The following IQCM variants were observed in gnomAD, a reference collection of about 807,000 sequenced individuals.
IQCM encodes the protein IQ motif containing M, also known as IQ domain-containing protein M.
A neutral mutation model predicts 57.6 loss-of-function variants in IQCM; 45 were observed. The observed-to-expected ratio is 0.78, with a 90% CI of 0.62 to 1.00. The LOEUF is 1.00. Among genes scored for constraint, IQCM ranks in the 50% least tolerant of loss-of-function variants. The pLI is 0.00. For synonymous variants in IQCM, 148 were observed against 158.9 expected (o/e 0.93, Z 0.51); for missense variants, 468 against 511.6 (o/e 0.91, Z 0.82).
At position 149,553,126 on chromosome 4, in the gene IQCM, G is replaced by T. The variant is rs1749190618; in HGVS notation, c.1093+17C>A. ...CTCCAAACTTAAATTCAAACCAGAAGTGTCTGCATCACTTACATTTTTTTC... is the reference window on the plus strand; with the variant it reads ...CTCCAAACTTAAATTCAAACCAGAATTGTCTGCATCACTTACATTTTTTTC... On this transcript the variant is annotated intron_variant, in intron 11 of 13. Transcript: ENST00000636793. The T allele has an allele frequency of 1.6e-6, 2 of 1,231,428 alleles. No individual in the cohort carries two copies. The highest frequency in any genetic ancestry group is 2.0e-6 in the Non-Finnish European group (2 of 987,350). 76.3% of individuals were successfully genotyped at this position (1,231,428 alleles called of 1,614,324 possible).
rs569683241 is a variant in IQCM at position 149,631,373 on chromosome 4, A to G, written c.566-10129T>C. On this transcript the variant is annotated intron_variant, in intron 7 of 13. Transcript: ENST00000636793. ...TAAGTACTGTGAGACCCTCTAATGA[A>G]TCAGCAAACTTGGGGTGGTCTTTGG... Among the ~76,000 whole-genome samples, 28 of 152,300 alleles carry G rather than the reference A, an allele frequency of 1.8e-4. No individual in the cohort carries two copies. In the East Asian group the frequency reaches 5.0e-3, roughly 27 times the overall value.
At chr4:149,648,001 G>A (rs1198232783) in intron 7 of IQCM, among the ~76,000 whole-genome samples, 1 of 151,994 alleles carries the variant, frequency 6.6e-6, no homozygotes, top group East Asian at 1.9e-4. Flanking sequence ...CTTCTCTACT[G>A]CATCCAATAT....
chr4:149,689,396 A>G (rs998527466), intron 5 of IQCM, among the ~76,000 whole-genome samples: 4 of 151,706 alleles, frequency 2.6e-5, no homozygotes, highest in Admixed American at 2.0e-4. Flanking sequence ...ACATCACACT[A>G]TGGGGCCTGT....
rs1053957288 is a variant in IQCM at position 149,711,802 on chromosome 4, A to G, written c.385+21442T>C. Reference sequence around the variant, plus strand: ...TTGGACACCAGAAACTTTGGCAGAAACTACCATCAACTCAGTCACATTGGT... The same window carrying G: ...TTGGACACCAGAAACTTTGGCAGAAGCTACCATCAACTCAGTCACATTGGT... On this transcript the variant is annotated intron_variant, in intron 5 of 13. Coordinates refer to ENST00000636793, the MANE Select transcript of IQCM (RefSeq NM_001363507.2). Among the ~76,000 whole-genome samples the G allele has an allele frequency of 5.9e-5, 9 of 152,300 alleles. 1 individual carries two copies. The highest frequency in any genetic ancestry group is 6.8e-3 in the Middle Eastern group (2 of 294).
intron 12 of IQCM, among the ~76,000 whole-genome samples, chr4:149,520,219 AT>A (rs538952958): frequency 0.21 from 26,435 of 126,624 alleles, 2,103 homozygotes; most frequent in South Asian, 0.32. Flanking sequence ...GGTGGGCACC[AT>A]TTTTTTTTTT....
At position 149,600,445 on chromosome 4, in the gene IQCM, C is replaced by T. The variant is rs138033677; in HGVS notation, c.682-12448G>A. Among the ~76,000 whole-genome samples the T allele has an allele frequency of 3.9e-3, 592 of 152,038 alleles. 7 individuals carry two copies. Among genetic ancestry groups the T allele is most frequent in the African/African-American group, 0.013 (549 of 41,484 alleles). Reference sequence around the variant, plus strand: ...CAGAAAGTTAAATTGGGGATACAGGCGGGAAGTTTTTAATCTATGAAAATA... The same window carrying T: ...CAGAAAGTTAAATTGGGGATACAGGTGGGAAGTTTTTAATCTATGAAAATA... On this transcript the variant is annotated intron_variant, in intron 8 of 13. Transcript: ENST00000636793.
intron 12 of IQCM, among the ~76,000 whole-genome samples, chr4:149,447,909 G>A (rs1736689202): frequency 6.6e-6 from 1 of 151,420 alleles, no homozygotes; most frequent in South Asian, 2.1e-4. Context: ...ACATACAGAG[G>A]AACAAAGATA....
intron 12 of IQCM, among the ~76,000 whole-genome samples, chr4:149,434,544 T>G (rs1735166761): frequency 6.6e-6 from 1 of 152,060 alleles, no homozygotes; most frequent in Non-Finnish European, 1.5e-5. Flanking sequence ...TCCTTTCCTC[T>G]TAGTCTCCTT....
chr4:149,575,845 G>A (rs1198751894), intron 9 of IQCM, among the ~76,000 whole-genome samples: 2 of 101,540 alleles, frequency 2.0e-5, no homozygotes, highest in Non-Finnish European at 4.1e-5. Flanking sequence ...GGTGCAGGAG[G>A]CAGAAGACAT....
At chr4:149,407,294 T>G (rs1733052659) in intron 13 of IQCM, among the ~76,000 whole-genome samples, 1 of 152,190 alleles carries the variant, frequency 6.6e-6, no homozygotes, top group African/African-American at 2.4e-5. Context: ...ACTGCATTCA[T>G]AAATTGTAAC....
At chr4:149,580,680 A>G (rs1354325778) in intron 9 of IQCM, among the ~76,000 whole-genome samples, 1 of 151,716 alleles carries the variant, frequency 6.6e-6, no homozygotes, top group African/African-American at 2.4e-5. Context: ...AATAACTGAG[A>G]TAAAGAACAC....
At chr4:149,598,321 A>C (rs186188423) in intron 8 of IQCM, among the ~76,000 whole-genome samples, 1 of 152,308 alleles carries the variant, frequency 6.6e-6, no homozygotes, top group Non-Finnish European at 1.5e-5. Context: ...AAGTCAATCT[A>C]CCATCGTTGT....
intron 2 of IQCM, among the ~76,000 whole-genome samples, chr4:149,773,129 A>G (rs1770745954): frequency 6.6e-6 from 1 of 152,286 alleles, no homozygotes; most frequent in East Asian, 1.9e-4. Flanking sequence ...AGGCGGGTGG[A>G]TCACGAGGTC....
intron 2 of IQCM, among the ~76,000 whole-genome samples, chr4:149,745,001 T>C (rs1561225937): frequency 6.6e-6 from 1 of 151,974 alleles, no homozygotes; most frequent in East Asian, 1.9e-4. Context: ...GAAGGTGACA[T>C]AAAAGAGAGT....
At chr4:149,768,575 C>G (rs910837148) in intron 2 of IQCM, among the ~76,000 whole-genome samples, 2 of 152,048 alleles carry the variant, frequency 1.3e-5, no homozygotes, top group African/African-American at 4.8e-5. Flanking sequence ...AGCCTACACA[C>G]AACCCTTAGG....
At chr4:149,483,945 G>A (rs760308281) in intron 12 of IQCM, among the ~76,000 whole-genome samples, 3 of 151,828 alleles carry the variant, frequency 2.0e-5, no homozygotes, top group African/African-American at 2.4e-5. Flanking sequence ...ATCTATCTGG[G>A]TGCTCCAGTT....
chr4:149,708,441 T>A lies in IQCM; in HGVS notation c.386-21973A>T, dbSNP rs569758440. On this transcript the variant is annotated intron_variant, in intron 5 of 13. Transcript: ENST00000636793. ...GAATGTAAATATAATTGCAGGTGCC[T>A]AGAAAAAAAAAAGACAAGTATACCA... Among the ~76,000 whole-genome samples, 66 of 151,022 alleles carry A rather than the reference T, an allele frequency of 4.4e-4. No individual in the cohort carries two copies. In the Middle Eastern group the frequency reaches 0.014, roughly 31 times the overall value.
chr4:149,706,538 T>C (rs774348643), intron 5 of IQCM, among the ~76,000 whole-genome samples: 4 of 151,996 alleles, frequency 2.6e-5, no homozygotes, highest in Admixed American at 6.6e-5. Context: ...CATTTGAGTT[T>C]GGAACTCATG....
At chr4:149,564,678 ACTGGTTGC>A (rs1224067712) in intron 9 of IQCM, among the ~76,000 whole-genome samples, 2 of 152,156 alleles carry the variant, frequency 1.3e-5, no homozygotes, top group African/African-American at 4.8e-5. Flanking sequence ...TTTCTTCCGT[ACTGGTTGC>A]CTCCTCAAAC....
Sources: allele counts gnomAD v4.1 joint callset (sites outside exome capture counted in the v4.1 genomes callset), GRCh38; gene constraint gnomAD v4.1.1; transcripts MANE v1.5; gene names NCBI Gene and HGNC (gene_info 2026-07-23, HGNC 2026-07-21).